The following RANBP10 variants were observed in gnomAD, a reference collection of about 807,000 sequenced individuals.
RANBP10 encodes the protein RAN binding protein 10, also known as ran-binding protein 10.
Under a neutral mutation model 72.8 loss-of-function variants are expected in RANBP10, and 24 were observed. That is an observed-to-expected ratio of 0.33 (90% CI 0.24 to 0.46). The LOEUF is 0.46. Among genes scored for constraint, RANBP10 ranks in the 20% least tolerant of loss-of-function variants. The pLI, the probability that RANBP10 is intolerant of heterozygous loss-of-function variation, is 1.00. For missense variants in RANBP10, 679 were observed against 817.5 expected, an observed-to-expected ratio of 0.83 and a Z score of 2.07; for synonymous variants, 310 against 322.3, an observed-to-expected ratio of 0.96 and a Z score of 0.41.
intron 2 of RANBP10, among the ~76,000 whole-genome samples, chr16:67,798,279 C>T (rs1295364252): frequency 1.3e-5 from 2 of 152,110 alleles, no homozygotes; most frequent in Admixed American, 6.6e-5. Flanking sequence ...GGCAGGACAA[C>T]GCCTTCCCCA....
intron 2 of RANBP10, among the ~76,000 whole-genome samples, chr16:67,781,730 A>G (rs2054814857): frequency 6.6e-6 from 1 of 152,116 alleles, no homozygotes; most frequent in Non-Finnish European, 1.5e-5. Context: ...CCAAAACCAC[A>G]ATGCAAGGTG....
intron 2 of RANBP10, among the ~76,000 whole-genome samples, chr16:67,786,273 G>A (rs771289275): frequency 2.0e-5 from 3 of 151,944 alleles, no homozygotes; most frequent in Non-Finnish European, 4.4e-5. Context: ...AGTCTGCAGT[G>A]AGCCAAGATT....
chr16:67,728,312 C>A, intron 11 of RANBP10, 78 bp downstream of exon 11: 1 of 1,514,932 alleles, frequency 6.6e-7, no homozygotes. Context: ...CCTGCCTACC[C>A]CAGCCCCTCC....
At chr16:67,796,734 C>T (rs1168731576) in intron 2 of RANBP10, among the ~76,000 whole-genome samples, 2 of 152,116 alleles carry the variant, frequency 1.3e-5, no homozygotes, top group African/African-American at 4.8e-5. Flanking sequence ...AGTTAAGTAA[C>T]AAGAAATGGC....
Position 67,799,211 on chromosome 16 carries a change from C to T in RANBP10, c.347+6217G>A, listed in dbSNP as rs536965439. Reference sequence around the variant, plus strand: ...TCAGTCTCCTAAAGTACTGGGATTACAGGCATGAGCCAGGCCACACACAAG... The same window carrying T: ...TCAGTCTCCTAAAGTACTGGGATTATAGGCATGAGCCAGGCCACACACAAG... On this transcript the variant is annotated intron_variant, in intron 2 of 13. Coordinates refer to ENST00000317506, the MANE Select transcript of RANBP10 (RefSeq NM_020850.3). 1.1e-4 allele frequency among the ~76,000 whole-genome samples: 16 copies of T among 152,024 alleles called. No individual in the cohort carries two copies. The South Asian group carries it at 1.2e-3, about 12-fold the overall frequency.
At chr16:67,768,199 C>T (rs997079209) in intron 3 of RANBP10, among the ~76,000 whole-genome samples, 2 of 151,322 alleles carry the variant, frequency 1.3e-5, no homozygotes, top group African/African-American at 4.9e-5. Flanking sequence ...CTAGCCTGGG[C>T]AACATGGCAA....
intron 2 of RANBP10, among the ~76,000 whole-genome samples, chr16:67,774,408 CTGTG>C (rs1430433527): frequency 2.6e-5 from 4 of 152,238 alleles, no homozygotes; most frequent in African/African-American, 9.6e-5. Flanking sequence ...ACTAAAGCAC[CTGTG>C]CTCAAAACAC....
chr16:67,759,489 G>A (rs2054353145), intron 3 of RANBP10: 1 of 152,246 alleles, frequency 6.6e-6, no homozygotes, highest in Non-Finnish European at 1.5e-5. Context: ...CTGACAGAGT[G>A]CCCAATCATG....
At chr16:67,787,852 TTTTTTGAGATGGA>T (rs1476618245) in intron 2 of RANBP10, among the ~76,000 whole-genome samples, 1 of 152,120 alleles carries the variant, frequency 6.6e-6, no homozygotes, top group Non-Finnish European at 1.5e-5. Context: ...AAAAAAATTT[TTTTTTGAGATGGA>T]GTCTCGCCTG....
chr16:67,742,156 C>G (rs1347047601), intron 4 of RANBP10, among the ~76,000 whole-genome samples: 2 of 151,752 alleles, frequency 1.3e-5, no homozygotes, highest in Non-Finnish European at 2.9e-5. Context: ...GCAATCTGCC[C>G]ACCTCGGCCT....
chr16:67,731,779 A>T (rs1391063090), intron 6 of RANBP10, among the ~76,000 whole-genome samples, 195 bp from the exon 7 acceptor site: 1 of 152,238 alleles, frequency 6.6e-6, no homozygotes, highest in Non-Finnish European at 1.5e-5. Context: ...TCATGAAGTC[A>T]GGCTTCGGAG....
intron 3 of RANBP10, among the ~76,000 whole-genome samples, chr16:67,756,496 C>T (rs930158174): frequency 2.0e-5 from 3 of 151,978 alleles, no homozygotes; most frequent in Admixed American, 6.6e-5. Context: ...CTGAGGCGGG[C>T]GTTCAAGACC....
chr16:67,768,381 C>T (rs973571849), intron 3 of RANBP10, among the ~76,000 whole-genome samples: 1 of 151,600 alleles, frequency 6.6e-6, no homozygotes, highest in Non-Finnish European at 1.5e-5. Flanking sequence ...ATTAGCCAGG[C>T]GTGGTGGTGT....
chr16:67,747,017 A>G (rs1313997317), intron 3 of RANBP10, among the ~76,000 whole-genome samples: 1 of 152,206 alleles, frequency 6.6e-6, no homozygotes, highest in Admixed American at 6.5e-5. Flanking sequence ...TTGCACAGAC[A>G]TATGTTTTCA....
chr16:67,784,768 G>A (rs1296425796), intron 2 of RANBP10, among the ~76,000 whole-genome samples: 8 of 151,214 alleles, frequency 5.3e-5, no homozygotes, highest in East Asian at 1.9e-4. Context: ...GCAGTAAGCC[G>A]AGATTGAGCC....
In RANBP10 at chr16:67,734,957, A is replaced by T. The variant is rs746228287; in HGVS notation, c.677T>A (p.Ile226Asn). 1 of 1,614,164 alleles carries T rather than the reference A, an allele frequency of 6.2e-7. No homozygotes were observed. Among genetic ancestry groups the T allele is most frequent in the Non-Finnish European group, 8.5e-7 (1 of 1,180,004 alleles). The part of the protein sequence containing the change: ...NFGQQPFLFD[I>N]EDYMREWRAK... ...ACGCCACTCCCGCATGTAGTCCTCA[A>T]TGTCAAACAGGAAGGGCTGCTGCCC... is the stretch of plus-strand genomic sequence containing the variant. Residue 226 changes from isoleucine (I) to asparagine (N), a missense_variant, in exon 6 of 14, where the codon ATT becomes AAT. Transcript: ENST00000317506.
chr16:67,729,964 G>A lies in RANBP10; in HGVS notation c.972C>T (p.His324=), dbSNP rs1244825616. 6.2e-7 allele frequency: 1 copy of A among 1,613,838 alleles called. No homozygotes were observed. Among genetic ancestry groups the A allele is most frequent in the Admixed American group, 1.7e-5 (1 of 60,032 alleles). The change falls in exon 8 of 14, where the codon CAC becomes CAT. Residue 324 remains histidine (H), a synonymous_variant. Coordinates refer to ENST00000317506, the MANE Select transcript of RANBP10 (RefSeq NM_020850.3). The surrounding 1 kb of genome is among the most constrained non-coding windows in gnomAD (Gnocchi z 7.1). Reference sequence around the variant, plus strand: ...TGAGCATGAAGAGGAGGTTGGGGTTGTGCTCCAGCAGCCCTGGGTAGAAGC... The same window carrying A: ...TGAGCATGAAGAGGAGGTTGGGGTTATGCTCCAGCAGCCCTGGGTAGAAGC... ...TQRFYPGLLE[H]NPNLLFMLKC... is the part of the protein sequence containing the mutation.
intron 3 of RANBP10, among the ~76,000 whole-genome samples, chr16:67,753,113 T>C (rs2054226976): frequency 6.7e-6 from 1 of 150,196 alleles, no homozygotes; most frequent in Non-Finnish European, 1.5e-5. Flanking sequence ...TGGCGGTGTG[T>C]ACTTGTGGTC....
In RANBP10 at chr16:67,729,357, G is replaced by A. The variant is rs367564554; in HGVS notation, c.1275C>T (p.Ser425=). 50 of 1,612,420 alleles carry A rather than the reference G, an allele frequency of 3.1e-5. No individual in the cohort carries two copies. Among genetic ancestry groups the A allele is most frequent in the Non-Finnish European group, 4.2e-5 (49 of 1,179,052 alleles). Residue 425 remains serine (S), a synonymous_variant, in exon 10 of 14, where the codon TCC becomes TCT. Coordinates refer to ENST00000317506, the MANE Select transcript of RANBP10 (RefSeq NM_020850.3). This position sits in a 1 kb window ranked among gnomAD's most constrained non-coding sequence, Gnocchi z 7.1. ...TTGAGTTGGACTCGGAGTAATTGAC[G>A]GAGGATGGGGAAGAGGACGAGGAGG... ...SSSSSSSSPS[S]VNYSESNSTD...
Sources: gnomAD v4.1 joint callset for allele counts (sites outside exome capture counted in the v4.1 genomes callset) on GRCh38, gnomAD v4.1.1 for gene constraint, Gnocchi (gnomAD v3.1) non-coding constraint, MANE v1.5 for transcripts, NCBI Gene and HGNC (gene_info 2026-07-23, HGNC 2026-07-21) for gene names.